SLC39A3: variants seen among roughly 807,000 people sequenced by gnomAD.
The protein encoded by SLC39A3 is solute carrier family 39 member 3.
SLC39A3 carries 3 observed loss-of-function variants against 5.1 expected under a neutral mutation model. The observed-to-expected ratio is 0.59, with a 90% CI of 0.27 to 1.54. The LOEUF is 1.54. SLC39A3 is among the 40% of genes most tolerant of loss of function. The probability of loss-of-function intolerance (pLI) is 0.12; values close to 1 mark genes in which losing one functional copy is unlikely to be tolerated. For synonymous variants in SLC39A3, 250 were observed against 218.8 expected, an observed-to-expected ratio of 1.14 and a Z score of -1.26; for missense variants, 412 against 436.4, an observed-to-expected ratio of 0.94 and a Z score of 0.50.
In SLC39A3 at chr19:2,733,546, G is replaced by C; in HGVS notation, c.211-61C>G. ...CCACGCTCAGGGGTGGCGGCGACAG[G>C]GCTGGCCAGATGTCACCGTTCAAAG... is the stretch of plus-strand genomic sequence containing the variant. On this transcript the variant is annotated intron_variant, in intron 2 of 2. Transcript: ENST00000269740. This position sits in a 1 kb window ranked among gnomAD's most constrained non-coding sequence, Gnocchi z 6.1. The C allele has an allele frequency of 1.3e-6, 2 of 1,542,642 alleles. No homozygotes were observed. The highest frequency in any genetic ancestry group is 2.3e-5 in the East Asian group (1 of 44,238).
At chr19:2,738,798 G>A (rs1029653223) in intron 1 of SLC39A3, among the ~76,000 whole-genome samples, 3 of 152,044 alleles carry the variant, frequency 2.0e-5, no homozygotes, top group Non-Finnish European at 2.9e-5. Context: ...TTAGCTGGGT[G>A]TGGTAGTGGG....
Position 2,733,294 on chromosome 19 carries a change from C to G in SLC39A3, c.402G>C (p.Glu134Asp). Residue 134 changes from glutamate to aspartate, a missense_variant, in exon 3 of 3, where the codon GAG becomes GAC. Physicochemically the swap from Glu to Asp is conservative, Grantham distance 45. Coordinates refer to ENST00000269740, the MANE Select transcript of SLC39A3 (RefSeq NM_144564.5). The surrounding 1 kb of genome is among the most constrained non-coding windows in gnomAD (Gnocchi z 6.1). ...GSDVGSDSEY[E>D]SPFMGGARGH... Reference sequence around the variant, plus strand: ...CCCGCGCGCCCCCCATGAAGGGGCTCTCATACTCCGAGTCGCTGCCCACGT... The same window carrying G: ...CCCGCGCGCCCCCCATGAAGGGGCTGTCATACTCCGAGTCGCTGCCCACGT... The G allele has an allele frequency of 2.5e-6, 4 of 1,612,950 alleles. No individual in the cohort carries two copies. Among genetic ancestry groups the G allele is most frequent in the Non-Finnish European group, 3.4e-6 (4 of 1,180,016 alleles).
intron 1 of SLC39A3, chr19:2,739,472 A>G (rs1026647725): frequency 6.6e-6 from 1 of 151,734 alleles, no homozygotes; most frequent in Non-Finnish European, 1.5e-5. Context: ...AGATGTCTCC[A>G]CTCAGAGCTC....
chr19:2,733,218 G>A lies in SLC39A3; in HGVS notation c.478C>T (p.Gln160Ter). 1 of 1,607,702 alleles carries A rather than the reference G, an allele frequency of 6.2e-7. No homozygotes were observed. Among genetic ancestry groups the A allele is most frequent in the Non-Finnish European group, 8.5e-7 (1 of 1,177,050 alleles). The part of the protein sequence containing the change: ...PHGHGPSLSV[Q>*]GLSRASPVRL... Reference sequence around the variant, plus strand: ...ACGGGGCTGGCGCGCGAGAGGCCCTGCACGCTCAGGCTGGGGCCGTGGCCG... The same window carrying A: ...ACGGGGCTGGCGCGCGAGAGGCCCTACACGCTCAGGCTGGGGCCGTGGCCG... Residue 160 changes from glutamine to a stop codon, truncating the protein, a stop_gained, in exon 3 of 3, where the codon CAG becomes TAG. Transcript: ENST00000269740. LOFTEE classifies it low-confidence loss of function (END_TRUNC). This position sits in a 1 kb window ranked among gnomAD's most constrained non-coding sequence, Gnocchi z 6.1.
In SLC39A3 at chr19:2,734,327, C is replaced by T. The variant is rs919421321; in HGVS notation, c.211-842G>A. ...AAGTGGAGGAAAATCACAACACAAT[C>T]GACACTCAACAATGCCTGCTTCCCT... On this transcript the variant is annotated intron_variant, in intron 2 of 2. Coordinates refer to ENST00000269740, the MANE Select transcript of SLC39A3 (RefSeq NM_144564.5). The surrounding 1 kb of genome is among the most constrained non-coding windows in gnomAD (Gnocchi z 4.6). Among the ~76,000 whole-genome samples, 1 of 152,198 alleles carries T rather than the reference C, an allele frequency of 6.6e-6. No individual in the cohort carries two copies. The highest frequency in any genetic ancestry group is 2.4e-5 in the African/African-American group (1 of 41,448).
rs535555690 is a variant in SLC39A3 at position 2,733,904 on chromosome 19, G to A, written c.211-419C>T. Among the ~76,000 whole-genome samples the A allele has an allele frequency of 1.6e-4, 25 of 152,350 alleles. No homozygotes were observed. The highest frequency in any genetic ancestry group is 1.2e-3 in the Admixed American group (18 of 15,308). On this transcript the variant is annotated intron_variant, in intron 2 of 2. Transcript: ENST00000269740. The surrounding 1 kb of genome is among the most constrained non-coding windows in gnomAD (Gnocchi z 6.1). The stretch of plus-strand genomic sequence containing the variant: ...TGCAGTGAGACGAGATCGTGCCACT[G>A]CACTCCAGCCTGGGCGACAGAGGGA...
intron 2 of SLC39A3, chr19:2,736,423 T>C (rs772426314): frequency 4.3e-5 from 8 of 186,086 alleles, no homozygotes; most frequent in Non-Finnish European, 8.5e-5. Flanking sequence ...GCTGGGGAGG[T>C]CCACGTGGCC....
rs1329740064 is a variant in SLC39A3 at position 2,732,663 on chromosome 19, C to G, written c.*88G>C. On this transcript the variant is annotated 3_prime_UTR_variant, in exon 3 of 3. Transcript: ENST00000269740. ...GTGGCCCAGGGCCACAGTGCTCGCT[C>G]TTGGGGGACGCGCGGCCGGGGGACG... The G allele has an allele frequency of 1.4e-6, 2 of 1,441,154 alleles. No individual in the cohort carries two copies. The highest frequency in any genetic ancestry group is 5.1e-5 in the East Asian group (2 of 39,192). The allele number at this position is 1,441,154 out of a possible 1,614,324, so 89.3% of individuals were successfully genotyped here. A position where few individuals can be genotyped will look rare whatever the true frequency, so the allele number is the denominator to read the frequency against.
intron 1 of SLC39A3, among the ~76,000 whole-genome samples, chr19:2,738,425 C>G (rs1199999509): frequency 6.6e-6 from 1 of 152,118 alleles, no homozygotes; most frequent in Non-Finnish European, 1.5e-5. Flanking sequence ...TACCCTGAGG[C>G]TGAAGCTCTG....
Position 2,733,144 on chromosome 19 carries a change from C to T in SLC39A3, c.552G>A (p.Glu184=). The change falls in exon 3 of 3, where the codon GAG becomes GAA. Residue 184 remains glutamate, a synonymous_variant. Coordinates refer to ENST00000269740, the MANE Select transcript of SLC39A3 (RefSeq NM_144564.5). The surrounding 1 kb of genome is among the most constrained non-coding windows in gnomAD (Gnocchi z 6.1). ...AFALSAHSVF[E]GLALGLQEEG... The stretch of plus-strand genomic sequence containing the variant: ...CCTCCTGCAGGCCCAGGGCCAGGCC[C>T]TCAAAGACCGAGTGGGCCGACAGCG... The T allele has an allele frequency of 6.2e-7, 1 of 1,611,136 alleles. No homozygotes were observed. Among genetic ancestry groups the T allele is most frequent in the Non-Finnish European group, 8.5e-7 (1 of 1,179,168 alleles).
In SLC39A3 at chr19:2,732,533, G is replaced by T; in HGVS notation, c.*218C>A. ...GACATGGCCACACAGCTTTGGTAAA[G>T]ACTTTTAAGAGAAAGAAGTATTTTA... On this transcript the variant is annotated 3_prime_UTR_variant, in exon 3 of 3. Coordinates refer to ENST00000269740, the MANE Select transcript of SLC39A3 (RefSeq NM_144564.5). 1 of 1,430,180 alleles carries T rather than the reference G, an allele frequency of 7.0e-7. No homozygotes were observed. Among genetic ancestry groups the T allele is most frequent in the East Asian group, 2.5e-5 (1 of 39,838 alleles). 88.6% of individuals were successfully genotyped at this position (1,430,180 alleles called of 1,614,324 possible).
chr19:2,737,336 C>T lies in SLC39A3; in HGVS notation c.-79G>A, dbSNP rs1054693303. On this transcript the variant is annotated 5_prime_UTR_variant, in exon 2 of 3. Coordinates refer to ENST00000269740, the MANE Select transcript of SLC39A3 (RefSeq NM_144564.5). ...ACACCCAAGTCCCACGATGTGCTACCGAGCCCAACCACACAGTTGGAGGCT... is the reference window on the plus strand; with the variant it reads ...ACACCCAAGTCCCACGATGTGCTACTGAGCCCAACCACACAGTTGGAGGCT... 28 of 1,507,538 alleles carry T rather than the reference C, an allele frequency of 1.9e-5. No individual in the cohort carries two copies. The highest frequency in any genetic ancestry group is 2.3e-4 in the Middle Eastern group (1 of 4,292). 93.4% of individuals were successfully genotyped at this position (1,507,538 alleles called of 1,614,324 possible). A position where few individuals can be genotyped will look rare whatever the true frequency, so the allele number is the denominator to read the frequency against.
chr19:2,732,608 TG>T lies in SLC39A3; in HGVS notation c.*142del. 7.0e-7 allele frequency: 1 copy of T among 1,421,088 alleles called. No individual in the cohort carries two copies. The highest frequency in any genetic ancestry group is 9.2e-7 in the Non-Finnish European group (1 of 1,091,072). 88.0% of individuals were successfully genotyped at this position (1,421,088 alleles called of 1,614,324 possible). A position where few individuals can be genotyped will look rare whatever the true frequency, so the allele number is the denominator to read the frequency against. On this transcript the variant is annotated 3_prime_UTR_variant, in exon 3 of 3. Transcript: ENST00000269740. The stretch of plus-strand genomic sequence containing the variant: ...AGGGTGTAGGATCGGGGGCACAGCC[TG>T]GTCCCGGGAGGCCCCTTGTGCACAG...
chr19:2,736,113 A>G (rs1484241350), intron 2 of SLC39A3: 1 of 985,436 alleles, frequency 1.0e-6, no homozygotes, highest in Non-Finnish European at 1.2e-6. Flanking sequence ...CAGGGGACCC[A>G]CACTCTGGGC....
chr19:2,737,957 G>A (rs533966570), intron 1 of SLC39A3, among the ~76,000 whole-genome samples: 1 of 151,990 alleles, frequency 6.6e-6, no homozygotes, highest in East Asian at 1.9e-4. Context: ...CCAGAACTTT[G>A]GGAGGCCGAG....
At chr19:2,736,854 C>G (rs1013298858) in intron 2 of SLC39A3, 194 bp downstream of exon 2, 2 of 1,484,144 alleles carry the variant, frequency 1.3e-6, no homozygotes, top group Non-Finnish European at 1.8e-6. Context: ...CTGGTCCAAA[C>G]CCCTTGTTTG....
Position 2,735,729 on chromosome 19 carries a change from G to T in SLC39A3, c.210+1319C>A. 1.8e-6 allele frequency: 1 copy of T among 568,622 alleles called. No homozygotes were observed. The highest frequency in any genetic ancestry group is 2.2e-6 in the Non-Finnish European group (1 of 449,882). The allele number at this position is 568,622 out of a possible 1,614,324, so 35.2% of individuals were successfully genotyped here. On this transcript the variant is annotated intron_variant, in intron 2 of 2. Coordinates refer to ENST00000269740, the MANE Select transcript of SLC39A3 (RefSeq NM_144564.5). This position sits in a 1 kb window ranked among gnomAD's most constrained non-coding sequence, Gnocchi z 5.7. ...ACATAATGGCAGGAGTGACACGCAC[G>T]GCAGTCCCAGCCCTACCCACACTCG...
chr19:2,732,608 T>G lies in SLC39A3; in HGVS notation c.*143A>C. On this transcript the variant is annotated 3_prime_UTR_variant, in exon 3 of 3. Coordinates refer to ENST00000269740, the MANE Select transcript of SLC39A3 (RefSeq NM_144564.5). ...AGGGTGTAGGATCGGGGGCACAGCC[T>G]GGTCCCGGGAGGCCCCTTGTGCACA... 1.4e-6 allele frequency: 2 copies of G among 1,421,088 alleles called. No homozygotes were observed. The highest frequency in any genetic ancestry group is 1.8e-6 in the Non-Finnish European group (2 of 1,091,072). The allele number at this position is 1,421,088 out of a possible 1,614,324, so 88.0% of individuals were successfully genotyped here.
intron 1 of SLC39A3, among the ~76,000 whole-genome samples, chr19:2,739,099 CAAAAAAAAAAAAAA>C (rs76854834): frequency 3.3e-5 from 1 of 30,312 alleles, no homozygotes; most frequent in Non-Finnish European, 6.2e-5. Flanking sequence ...GACTCCGTCT[CAAAAAAAAAAAAAA>C]AAAAAAAAAA....
Sources: allele counts gnomAD v4.1 joint callset (sites outside exome capture counted in the v4.1 genomes callset), GRCh38; gene constraint gnomAD v4.1.1; non-coding constraint Gnocchi (gnomAD v3.1); transcripts MANE v1.5; gene names NCBI Gene and HGNC (gene_info 2026-07-23, HGNC 2026-07-21).